The following IGSF11 variants were observed in gnomAD, a reference collection of about 807,000 sequenced individuals.
IGSF11 encodes the protein immunoglobulin superfamily member 11, also known as CXADR like 1.
A neutral mutation model predicts 41.0 loss-of-function variants in IGSF11; 22 were observed. The ratio of observed to expected loss-of-function variants is 0.54; its 90% CI spans 0.38 to 0.77. The LOEUF is 0.77. Ranked by LOEUF, IGSF11 falls within the 30% of genes least tolerant of loss-of-function variation. IGSF11 has a pLI of 0.00. For missense variants in IGSF11, 444 were observed against 530.8 expected (o/e 0.84, Z 1.61); for synonymous variants, 219 against 201.3 (o/e 1.09, Z -0.74).
chr3:119,065,717 C>T (rs999579023), intron 1 of IGSF11, among the ~76,000 whole-genome samples: 6 of 141,066 alleles, frequency 4.3e-5, no homozygotes. Context: ...TGCTTGAATC[C>T]GGGAGGTGGA....
chr3:118,962,486 T>C (rs905520598), intron 1 of IGSF11, among the ~76,000 whole-genome samples: 2 of 152,294 alleles, frequency 1.3e-5, no homozygotes, highest in East Asian at 3.9e-4. Context: ...TCAAGCACTC[T>C]GGAGAGGTCA....
chr3:119,058,035 G>A (rs890624850), intron 1 of IGSF11, among the ~76,000 whole-genome samples: 1 of 152,156 alleles, frequency 6.6e-6, no homozygotes, highest in African/African-American at 2.4e-5. Context: ...AGAAAACCTA[G>A]GCAATACCTT....
chr3:118,968,149 T>TG (rs1305364889), intron 1 of IGSF11, among the ~76,000 whole-genome samples: 1 of 152,214 alleles, frequency 6.6e-6, no homozygotes, highest in Non-Finnish European at 1.5e-5. Flanking sequence ...ACATGTTTTA[T>TG]GGGTCATCCC....
intron 1 of IGSF11, among the ~76,000 whole-genome samples, chr3:119,040,659 G>A (rs1941085009): frequency 6.6e-6 from 1 of 152,170 alleles, no homozygotes; most frequent in Admixed American, 6.5e-5. Context: ...CACCCAATAT[G>A]ATCTACAAGG....
rs780758448 is a variant in IGSF11 at position 118,928,595 on chromosome 3, G to A, written c.338C>T (p.Ser113Leu). 1 of 1,614,018 alleles carries A rather than the reference G, an allele frequency of 6.2e-7. No homozygotes were observed. Among genetic ancestry groups the A allele is most frequent in the African/African-American group, 1.3e-5 (1 of 75,046 alleles). Reference protein sequence around the residue: ...VSIFINNTQLSDTGTYQCLVN... With the variant: ...VSIFINNTQLLDTGTYQCLVN... ...CAGGCACTGGTAGGTGCCAGTGTCT[G>A]ATAACTGAGTGTTATTAATGAAGAT... Residue 113 changes from serine (S) to leucine (L), a missense_variant, in exon 3 of 7, where the codon TCA (serine) becomes TTA (leucine). Physicochemically the swap from Ser to Leu is moderately radical, Grantham distance 145. Coordinates refer to ENST00000393775, the MANE Select transcript of IGSF11 (RefSeq NM_001015887.3).
At position 118,904,797 on chromosome 3, in the gene IGSF11, G is replaced by A; in HGVS notation, c.705C>T (p.Pro235=). ...TCLLDLQVIS[P]QPRNIGLIAG... ...CTATTAGTCCAATGTTCCTGGGCTG[G>A]GCTGCAAAATATATTTAAGATATAT... The change falls in exon 6 of 7, where the codon CCC becomes CCT. Residue 235 remains proline, a splice_region_variant and synonymous_variant. Coordinates refer to ENST00000393775, the MANE Select transcript of IGSF11 (RefSeq NM_001015887.3). 6.3e-7 allele frequency: 1 copy of A among 1,589,966 alleles called. No individual in the cohort carries two copies. The highest frequency in any genetic ancestry group is 8.5e-7 in the Non-Finnish European group (1 of 1,172,342).
At chr3:119,090,337 C>T (rs1372749587) in intron 1 of IGSF11, among the ~76,000 whole-genome samples, 1 of 152,146 alleles carries the variant, frequency 6.6e-6, no homozygotes, top group Non-Finnish European at 1.5e-5. Context: ...TGAAGCTATT[C>T]CTATCAAACT....
Position 119,026,097 on chromosome 3 carries a change from C to T in IGSF11, c.52+8434G>A, listed in dbSNP as rs1394974221. 3.9e-5 allele frequency among the ~76,000 whole-genome samples: 6 copies of T among 152,090 alleles called. No individual in the cohort carries two copies. The South Asian group carries it at 8.3e-4, about 21-fold the overall frequency. On this transcript the variant is annotated intron_variant, in intron 1 of 6. Transcript: ENST00000393775. ...CAGCCTGACCAACATGGTGAAACCC[C>T]GTCTCTACTAAAAATACAAAAATTC...
chr3:119,021,629 A>G (rs1939297090), intron 1 of IGSF11, among the ~76,000 whole-genome samples: 1 of 152,172 alleles, frequency 6.6e-6, no homozygotes, highest in Admixed American at 6.5e-5. Flanking sequence ...AGCCATCACA[A>G]AAAAATAAAT....
At chr3:119,121,037 C>A (rs950736259) in intron 1 of IGSF11, among the ~76,000 whole-genome samples, 1 of 151,846 alleles carries the variant, frequency 6.6e-6, no homozygotes, top group Admixed American at 6.6e-5. Flanking sequence ...AAATAAACAA[C>A]AAGAAAAACC....
intron 1 of IGSF11, among the ~76,000 whole-genome samples, chr3:119,123,595 C>T (rs12630657): frequency 0.2 from 30,162 of 152,140 alleles, 3,267 homozygotes; most frequent in South Asian, 0.29. Context: ...CTGCAGCAGT[C>T]CCAGTGGTGA....
chr3:119,102,717 C>G (rs1021904400), intron 1 of IGSF11, among the ~76,000 whole-genome samples: 1 of 152,018 alleles, frequency 6.6e-6, no homozygotes, highest in Non-Finnish European at 1.5e-5. Context: ...TTTGTGGATT[C>G]TGTTTCATTT....
intron 1 of IGSF11, among the ~76,000 whole-genome samples, chr3:119,090,708 A>G (rs1055980532): frequency 3.9e-5 from 6 of 152,206 alleles, no homozygotes; most frequent in African/African-American, 1.4e-4. Context: ...CTTGATGGCT[A>G]CCTTTCACCA....
In IGSF11 at chr3:119,066,278, C is replaced by G. The variant is rs547052543; in HGVS notation, c.49+38866G>C. Reference sequence around the variant, plus strand: ...AACATTTGTTAGGACATGGACATATCTTTTTGGGTGTCACCATCCAGCCCA... The same window carrying G: ...AACATTTGTTAGGACATGGACATATGTTTTTGGGTGTCACCATCCAGCCCA... On this transcript the variant is annotated intron_variant, in intron 1 of 6. Coordinates refer to the IGSF11 transcript ENST00000354673. Among the ~76,000 whole-genome samples the G allele has an allele frequency of 1.1e-3, 175 of 152,242 alleles. 1 individual carries two copies. Among genetic ancestry groups the G allele is most frequent in the South Asian group, 1.9e-3 (9 of 4,832 alleles).
At chr3:118,992,137 T>C (rs1247798241) in intron 1 of IGSF11, among the ~76,000 whole-genome samples, 1 of 152,232 alleles carries the variant, frequency 6.6e-6, no homozygotes, top group African/African-American at 2.4e-5. Context: ...CAATTAGTAA[T>C]TCCTTTAACT....
intron 1 of IGSF11, among the ~76,000 whole-genome samples, chr3:119,061,355 A>T (rs1465578081): frequency 6.6e-6 from 1 of 152,052 alleles, no homozygotes; most frequent in Non-Finnish European, 1.5e-5. Flanking sequence ...GGACTATATC[A>T]AGTACCTCTC....
intron 1 of IGSF11, among the ~76,000 whole-genome samples, chr3:118,974,380 A>G (rs1269503051): frequency 6.6e-6 from 1 of 152,232 alleles, no homozygotes; most frequent in African/African-American, 2.4e-5. Context: ...AGAAAAGGCA[A>G]CGGTTCAGTA....
At chr3:119,109,530 CG>C (rs2077104365), upstream of IGSF11, among the ~76,000 whole-genome samples, 1 of 152,014 alleles carries the variant, frequency 6.6e-6, no homozygotes. Flanking sequence ...TTGATCCTTT[CG>C]AAAAACCAGC....
intron 1 of IGSF11, among the ~76,000 whole-genome samples, chr3:119,089,047 T>C (rs973466560): frequency 6.6e-6 from 1 of 152,092 alleles, no homozygotes; most frequent in Non-Finnish European, 1.5e-5. Context: ...TTCAAAAAAA[T>C]CGAGGAGTAG....
Sources: allele counts gnomAD v4.1 joint callset (sites outside exome capture counted in the v4.1 genomes callset), GRCh38; gene constraint gnomAD v4.1.1; transcripts MANE v1.5; gene names NCBI Gene and HGNC (gene_info 2026-07-23, HGNC 2026-07-21).